ITPRID1: variants seen among roughly 807,000 people sequenced by gnomAD.
The protein encoded by ITPRID1 is protein ITPRID1.
ITPRID1 carries 96 observed loss-of-function variants against 95.4 expected under a neutral mutation model. That is an observed-to-expected ratio of 1.01 (90% CI 0.85 to 1.19). The LOEUF is 1.19. ITPRID1 is among the 50% of genes most tolerant of loss of function. The probability of loss-of-function intolerance (pLI) is 0.00; values close to 1 mark genes in which losing one functional copy is unlikely to be tolerated. For synonymous variants in ITPRID1, 510 were observed against 453.6 expected, an observed-to-expected ratio of 1.12 and a Z score of -1.58; for missense variants, 1,339 against 1,252.9, an observed-to-expected ratio of 1.07 and a Z score of -1.04.
intron 10 of ITPRID1, among the ~76,000 whole-genome samples, chr7:31,614,322 G>A (rs1583574866): frequency 6.6e-6 from 1 of 152,218 alleles, no homozygotes; most frequent in East Asian, 1.9e-4. Flanking sequence ...TTACTTTGGT[G>A]AGATTATGGG....
At chr7:31,545,348 C>T (rs1000402063) in intron 1 of ITPRID1, among the ~76,000 whole-genome samples, 3 of 151,938 alleles carry the variant, frequency 2.0e-5, no homozygotes, top group African/African-American at 4.8e-5. Context: ...AGGTGGATCA[C>T]AGATGCCCTC....
Position 31,643,931 on chromosome 7 carries a change from C to T in ITPRID1, c.2561C>T (p.Thr854Ile), listed in dbSNP as rs764354984. Residue 854 changes from threonine to isoleucine, a missense_variant, in exon 12 of 15, where the codon ACT becomes ATT. Transcript: ENST00000615280. Reference sequence around the variant, plus strand: ...ACGACTTTGAAAGCCCTTCAGGACACTACAGTGAGGGAGCTATGTTCCGTA... The same window carrying T: ...ACGACTTTGAAAGCCCTTCAGGACATTACAGTGAGGGAGCTATGTTCCGTA... ...FMTTLKALQD[T>I]TVRELCSCTV... 1.2e-6 allele frequency: 2 copies of T among 1,612,134 alleles called. No individual in the cohort carries two copies. Among genetic ancestry groups the T allele is most frequent in the African/African-American group, 1.3e-5 (1 of 74,890 alleles).
At chr7:31,526,940 C>T (rs1454529110) in intron 1 of ITPRID1, among the ~76,000 whole-genome samples, 5 of 152,162 alleles carry the variant, frequency 3.3e-5, no homozygotes, top group African/African-American at 1.2e-4. Context: ...CCACTGCCCT[C>T]AGAACAAAGT....
At chr7:31,588,080 A>G (rs2128152564) in intron 10 of ITPRID1, among the ~76,000 whole-genome samples, 1 of 152,294 alleles carries the variant, frequency 6.6e-6, no homozygotes, top group Admixed American at 6.5e-5. Context: ...TAAAATACAC[A>G]ATGCTTGATT....
intron 1 of ITPRID1, among the ~76,000 whole-genome samples, chr7:31,519,608 CTCTCTCTCTCTCTATATATA>C (rs1396570277): frequency 3.5e-3 from 190 of 54,682 alleles, no homozygotes; most frequent in African/African-American, 0.011. Flanking sequence ...CTCTCTCTCT[CTCTCTCTCTCTCTATATATA>C]TATATATATA....
chr7:31,647,314 G>A (rs1790549842), intron 12 of ITPRID1, among the ~76,000 whole-genome samples: 1 of 152,124 alleles, frequency 6.6e-6, no homozygotes, highest in Admixed American at 6.6e-5. Context: ...AATATTAACA[G>A]GACATAGCTC....
At chr7:31,647,711 G>GAAGACGATGACGACA (rs1790611512) in intron 12 of ITPRID1, among the ~76,000 whole-genome samples, 2 of 144,280 alleles carry the variant, frequency 1.4e-5, no homozygotes, top group African/African-American at 5.1e-5. Flanking sequence ...GGAAGAAGAA[G>GAAGACGATGACGACA]ACGATGACGA....
rs151079162 is a variant in ITPRID1 at position 31,601,020 on chromosome 7, T to C, written c.1228+17829T>C. ...GCCTAGCCACCTGTAAGACTTTAAC[T>C]GTCTTTTGATTCTGGTTGCCTCCTG... is the stretch of plus-strand genomic sequence containing the variant. On this transcript the variant is annotated intron_variant, in intron 10 of 14. Transcript: ENST00000615280. Among the ~76,000 whole-genome samples the C allele has an allele frequency of 4.6e-3, 701 of 152,284 alleles. 1 individual carries two copies. The highest frequency in any genetic ancestry group is 5.4e-3 in the Non-Finnish European group (367 of 68,022).
intron 1 of ITPRID1, among the ~76,000 whole-genome samples, chr7:31,519,429 A>G (rs1467123376): frequency 1.3e-5 from 2 of 151,880 alleles, no homozygotes; most frequent in East Asian, 3.9e-4. Flanking sequence ...CTAAAAATGC[A>G]GTCATATAAA....
At chr7:31,631,287 T>A (rs1383295989) in intron 10 of ITPRID1, among the ~76,000 whole-genome samples, 1 of 152,178 alleles carries the variant, frequency 6.6e-6, no homozygotes, top group East Asian at 1.9e-4. Flanking sequence ...CACATATGCG[T>A]GCGTGCACAC....
chr7:31,658,368 G>C, downstream of ITPRID1: 5 of 1,517,366 alleles, frequency 3.3e-6, no homozygotes, highest in Non-Finnish European at 4.4e-6. Context: ...ACTTTCTGAA[G>C]ACACAAGACT....
chr7:31,558,658 G>A (rs1285272565), intron 5 of ITPRID1, among the ~76,000 whole-genome samples: 2 of 152,116 alleles, frequency 1.3e-5, no homozygotes, highest in Non-Finnish European at 2.9e-5. Flanking sequence ...AGTAGATCTT[G>A]AGTATATTCT....
rs540876573 is a variant in ITPRID1 at position 31,541,048 on chromosome 7, A to C, written c.-97-8378A>C. 9.2e-5 allele frequency among the ~76,000 whole-genome samples: 14 copies of C among 152,366 alleles called. No homozygotes were observed. The South Asian group carries it at 1.4e-3, about 16-fold the overall frequency. ...ATGCAAATAACTATTGTCATAACTTAAGAATACTCACAGATAGTTTCCAAA... is the reference window on the plus strand; with the variant it reads ...ATGCAAATAACTATTGTCATAACTTCAGAATACTCACAGATAGTTTCCAAA... On this transcript the variant is annotated intron_variant, in intron 1 of 14. Transcript: ENST00000615280.
At chr7:31,532,053 T>A (rs1369231147) in intron 1 of ITPRID1, among the ~76,000 whole-genome samples, 2 of 152,200 alleles carry the variant, frequency 1.3e-5, no homozygotes, top group African/African-American at 4.8e-5. Context: ...AAGAACATAA[T>A]CATCCTGATC....
intron 1 of ITPRID1, among the ~76,000 whole-genome samples, chr7:31,516,282 ATGTATGTATGTGTG>A (rs1344806911): frequency 6.6e-6 from 1 of 152,088 alleles, no homozygotes; most frequent in African/African-American, 2.4e-5. Flanking sequence ...GTGCATGTGT[ATGTATGTATGTGTG>A]TACTATTGGT....
chr7:31,651,289 A>G lies in ITPRID1; in HGVS notation c.2711+20A>G, dbSNP rs1790925949. On this transcript the variant is annotated intron_variant, in intron 13 of 14. Transcript: ENST00000615280. The stretch of plus-strand genomic sequence containing the variant: ...GGAAAGGTAATTACCTAAGGGAGCC[A>G]TAAAAGTAAGTACCAGCCCACACAC... 1 of 1,610,406 alleles carries G rather than the reference A, an allele frequency of 6.2e-7. No homozygotes were observed.
At chr7:31,602,041 T>G (rs950407512) in intron 10 of ITPRID1, among the ~76,000 whole-genome samples, 1 of 150,552 alleles carries the variant, frequency 6.6e-6, no homozygotes, top group African/African-American at 2.4e-5. Context: ...TGATAAGGGG[T>G]TTTTTTTTTC....
rs185577476 is a variant in ITPRID1 at position 31,642,711 on chromosome 7, T to A, written c.1341T>A (p.Pro447=). 1.5e-5 allele frequency: 24 copies of A among 1,613,970 alleles called. No homozygotes were observed. In the Admixed American group the frequency reaches 3.2e-4, roughly 21 times the overall value. Residue 447 remains proline, a synonymous_variant, in exon 12 of 15, where the codon CCT becomes CCA. Coordinates refer to ENST00000615280, the MANE Select transcript of ITPRID1 (RefSeq NM_001257967.3). Reference sequence around the variant, plus strand: ...CTTCCTTGCCAAACAGCCAGAGTCCTGCTGAGAATGGAGGTAGAAAGCCAA... The same window carrying A: ...CTTCCTTGCCAAACAGCCAGAGTCCAGCTGAGAATGGAGGTAGAAAGCCAA... The part of the protein sequence containing the change: ...QMPSLPNSQS[P]AENGGRKPRD...
At position 31,653,936 on chromosome 7, in the gene ITPRID1, C is replaced by A. The variant is rs1791156257; in HGVS notation, c.*1107C>A. On this transcript the variant is annotated 3_prime_UTR_variant, in exon 15 of 15. Transcript: ENST00000615280. The stretch of plus-strand genomic sequence containing the variant: ...GTACCAGACTGTCCAGTCAGGCAGC[C>A]AGTGGGAGTACTGATGAAACACCTA... 1.3e-5 allele frequency among the ~76,000 whole-genome samples: 2 copies of A among 151,732 alleles called. No individual in the cohort carries two copies. The highest frequency in any genetic ancestry group is 2.4e-5 in the African/African-American group (1 of 41,278).
Sources: allele counts gnomAD v4.1 joint callset (sites outside exome capture counted in the v4.1 genomes callset), GRCh38; gene constraint gnomAD v4.1.1; transcripts MANE v1.5; gene names NCBI Gene and HGNC (gene_info 2026-07-23, HGNC 2026-07-21).